The following RBFOX1 variants were observed in gnomAD, a reference collection of about 807,000 sequenced individuals.
The protein encoded by RBFOX1 is RNA binding protein fox-1 homolog 1.
In RBFOX1, 8 loss-of-function variants were observed where a neutral mutation model predicts 57.7. The observed-to-expected ratio is 0.14, with a 90% CI of 0.08 to 0.25. The LOEUF (loss-of-function observed/expected upper bound fraction) is 0.25, where lower values mean the gene tolerates loss of function less well. Ranked by LOEUF, RBFOX1 falls within the 10% of genes least tolerant of loss-of-function variation. The pLI is 1.00. For synonymous variants in RBFOX1, 326 were observed against 222.4 expected (o/e 1.47, Z -4.15); for missense variants, 611 against 548.5 (o/e 1.11, Z -1.14).
At chr16:7,280,955 ACCTCCCTCCCTCCCTCCCTC>A (rs770289984) in intron 4 of RBFOX1, among the ~76,000 whole-genome samples, 2 of 88,514 alleles carry the variant, frequency 2.3e-5, no homozygotes, top group African/African-American at 6.1e-5. Flanking sequence ...TTCCCTACCT[ACCTCCCTCCCTCCCTCCCTC>A]CCTCCCTCCC....
At chr16:6,614,611 G>T (rs1296574334) in intron 2 of RBFOX1, among the ~76,000 whole-genome samples, 1 of 152,096 alleles carries the variant, frequency 6.6e-6, no homozygotes. Flanking sequence ...CAAAGTGTGG[G>T]CAGGCTTGGT....
At chr16:7,386,941 C>G (rs1568557745) in intron 4 of RBFOX1, among the ~76,000 whole-genome samples, 1 of 152,168 alleles carries the variant, frequency 6.6e-6, no homozygotes, top group Non-Finnish European at 1.5e-5. Flanking sequence ...GAGATGTTAT[C>G]TCATTGTGGT....
intron 9 of RBFOX1, among the ~76,000 whole-genome samples, chr16:7,605,239 A>T (rs1473611040): frequency 6.6e-6 from 1 of 152,172 alleles, no homozygotes; most frequent in African/African-American, 2.4e-5. Context: ...ACACATTCTG[A>T]AATGTCTGAA....
chr16:6,957,008 TAAG>T (rs2081981926), intron 3 of RBFOX1, among the ~76,000 whole-genome samples: 1 of 151,878 alleles, frequency 6.6e-6, no homozygotes, highest in African/African-American at 2.4e-5. Flanking sequence ...GCAAGTTTAT[TAAG>T]AAAGGAAAGA....
At chr16:7,012,463 G>T (rs1178837032) in intron 3 of RBFOX1, among the ~76,000 whole-genome samples, 1 of 152,174 alleles carries the variant, frequency 6.6e-6, no homozygotes, top group African/African-American at 2.4e-5. Context: ...GACATGGAAA[G>T]TCGCATCTGT....
At chr16:6,751,065 G>T (rs1362668578) in intron 3 of RBFOX1, among the ~76,000 whole-genome samples, 1 of 152,168 alleles carries the variant, frequency 6.6e-6, no homozygotes. Flanking sequence ...GGAGATCAGG[G>T]TGGCAAAGCT....
chr16:7,241,683 A>G (rs1050210703), intron 4 of RBFOX1, among the ~76,000 whole-genome samples: 1 of 152,120 alleles, frequency 6.6e-6, no homozygotes, highest in African/African-American at 2.4e-5. Context: ...CAAAAAATCT[A>G]CATCTGGATG....
chr16:6,999,734 T>C (rs538267331), intron 3 of RBFOX1, among the ~76,000 whole-genome samples: 1 of 151,968 alleles, frequency 6.6e-6, no homozygotes, highest in African/African-American at 2.4e-5. Flanking sequence ...AATGAAACTT[T>C]TTAAAAAAAG....
chr16:6,906,372 A>T (rs1313981169), intron 3 of RBFOX1, among the ~76,000 whole-genome samples: 1 of 152,120 alleles, frequency 6.6e-6, no homozygotes. Flanking sequence ...CGGTAATAAC[A>T]CCGAAACTCA....
intron 1 of RBFOX1, among the ~76,000 whole-genome samples, chr16:6,115,928 C>T (rs1299716813): frequency 6.6e-6 from 1 of 151,980 alleles, no homozygotes; most frequent in Non-Finnish European, 1.5e-5. Context: ...TCTCTAGTAC[C>T]CAAAGGATTA....
At chr16:6,173,962 G>T (rs2096983051) in intron 1 of RBFOX1, among the ~76,000 whole-genome samples, 1 of 152,158 alleles carries the variant, frequency 6.6e-6, no homozygotes. Flanking sequence ...TAAAGTTACA[G>T]AGTCCTTCAC....
chr16:7,402,818 G>T (rs573352214), intron 4 of RBFOX1, among the ~76,000 whole-genome samples: 2 of 152,252 alleles, frequency 1.3e-5, no homozygotes, highest in South Asian at 2.1e-4. Flanking sequence ...ACTCTAGAAA[G>T]AGTTGTTATT....
intron 2 of RBFOX1, among the ~76,000 whole-genome samples, chr16:6,416,402 C>T (rs926567138): frequency 1.3e-5 from 2 of 152,190 alleles, no homozygotes; most frequent in African/African-American, 4.8e-5. Flanking sequence ...GAAATGGCCA[C>T]AATGATGAGC....
At chr16:7,427,321 G>A (rs1466525368) in intron 4 of RBFOX1, among the ~76,000 whole-genome samples, 3 of 152,092 alleles carry the variant, frequency 2.0e-5, no homozygotes, top group Non-Finnish European at 4.4e-5. Context: ...GATGTAGGAC[G>A]GGGCCAAGTA....
chr16:6,372,101 G>A (rs2090513218), intron 2 of RBFOX1, among the ~76,000 whole-genome samples: 1 of 152,108 alleles, frequency 6.6e-6, no homozygotes, highest in African/African-American at 2.4e-5. Context: ...GTGGAGTGGA[G>A]ATTCGATGGA....
At chr16:7,183,539 G>T (rs1465732976) in intron 4 of RBFOX1, among the ~76,000 whole-genome samples, 1 of 152,132 alleles carries the variant, frequency 6.6e-6, no homozygotes, top group African/African-American at 2.4e-5. Context: ...TTTGTCAATA[G>T]TTCTGAATAA....
At chr16:6,653,929 T>C (rs907285494) in intron 2 of RBFOX1, among the ~76,000 whole-genome samples, 1 of 146,776 alleles carries the variant, frequency 6.8e-6, no homozygotes, top group African/African-American at 2.5e-5. Flanking sequence ...AGTGTGTAGA[T>C]GATTGATGGA....
Position 6,934,109 on chromosome 16 carries a change from C to T in RBFOX1, c.-15-117948C>T, listed in dbSNP as rs563190890. 3.9e-5 allele frequency among the ~76,000 whole-genome samples: 6 copies of T among 152,228 alleles called. No individual in the cohort carries two copies. In the South Asian group the frequency reaches 1.0e-3, roughly 26 times the overall value. On this transcript the variant is annotated intron_variant, in intron 3 of 15. Coordinates refer to ENST00000550418, the MANE Select transcript of RBFOX1 (RefSeq NM_018723.4). The stretch of plus-strand genomic sequence containing the variant: ...CATTTCAGAGGTAGTTGGCAATGCT[C>T]CTCTGCCACCCATAGTGAGACAGGG...
chr16:6,487,274 G>T (rs1220393189), intron 2 of RBFOX1, among the ~76,000 whole-genome samples: 2 of 151,794 alleles, frequency 1.3e-5, no homozygotes, highest in African/African-American at 4.8e-5. Context: ...AAAAATGACA[G>T]AAAGCCCAAT....
Sources: allele counts gnomAD v4.1 joint callset (sites outside exome capture counted in the v4.1 genomes callset), GRCh38; gene constraint gnomAD v4.1.1; transcripts MANE v1.5; gene names NCBI Gene and HGNC (gene_info 2026-07-23, HGNC 2026-07-21).